The following NPRL3 variants were observed in gnomAD, a reference collection of about 807,000 sequenced individuals.
NPRL3 encodes the protein GATOR1 complex protein NPRL3.
Under a neutral mutation model 57.2 loss-of-function variants are expected in NPRL3, and 23 were observed. That is an observed-to-expected ratio of 0.40 (90% CI 0.29 to 0.57). NPRL3 has a LOEUF of 0.57. NPRL3 is among the 20% of genes least tolerant of loss of function. The pLI, the probability that NPRL3 is intolerant of heterozygous loss-of-function variation, is 0.42. For missense variants in NPRL3, 691 were observed against 767.1 expected, an observed-to-expected ratio of 0.90 and a Z score of 1.17; for synonymous variants, 333 against 321.1, an observed-to-expected ratio of 1.04 and a Z score of -0.39.
intron 2 of NPRL3, among the ~76,000 whole-genome samples, chr16:131,384 CA>C (rs896558799): frequency 4.8e-5 from 6 of 125,086 alleles, no homozygotes; most frequent in African/African-American, 2.4e-4. Flanking sequence ...GAGGGTGAGG[CA>C]AGAGAATGGT....
At chr16:127,559 G>A (rs992929413) in intron 3 of NPRL3, among the ~76,000 whole-genome samples, 3 of 151,966 alleles carry the variant, frequency 2.0e-5, no homozygotes, top group Admixed American at 6.5e-5. Flanking sequence ...TACTGTGATG[G>A]GAATATTCCA....
chr16:94,032 C>A (rs963883556), intron 9 of NPRL3, among the ~76,000 whole-genome samples: 10 of 151,788 alleles, frequency 6.6e-5, no homozygotes, highest in African/African-American at 2.4e-4. Flanking sequence ...AGCTGGATGT[C>A]CTGGCAGGGG....
At chr16:128,796 G>C (rs1034359527) in intron 3 of NPRL3, among the ~76,000 whole-genome samples, 1 of 152,080 alleles carries the variant, frequency 6.6e-6, no homozygotes, top group Non-Finnish European at 1.5e-5. Flanking sequence ...GACACAGAGA[G>C]TGGATTTGAT....
chr16:102,425 T>C (rs1402930655), intron 7 of NPRL3, among the ~76,000 whole-genome samples: 1 of 152,220 alleles, frequency 6.6e-6, no homozygotes, highest in Non-Finnish European at 1.5e-5. Context: ...GGCCGGCACC[T>C]TCCTTGTGTC....
chr16:117,841 G>A (rs1026436889), intron 4 of NPRL3, among the ~76,000 whole-genome samples: 2 of 152,248 alleles, frequency 1.3e-5, no homozygotes, highest in East Asian at 3.8e-4. Context: ...CCCGGTTCTG[G>A]CATCCAGCCA....
chr16:130,649 G>T, intron 2 of NPRL3, 58 bp from the exon 3 acceptor site: 1 of 1,497,976 alleles, frequency 6.7e-7, no homozygotes, highest in Non-Finnish European at 9.1e-7. Flanking sequence ...CCACACACAG[G>T]AGGGTTATGG....
rs749478330 is a variant in NPRL3 at position 86,685 on chromosome 16, C to T, written c.*20G>A. On this transcript the variant is annotated 3_prime_UTR_variant, in exon 14 of 14. Transcript: ENST00000611875. ...GCGCCCACCTGCGCACCCCAGCAGCCTTCCGCCCTCCGCCTGGGCTCAGGG... is the reference window on the plus strand; with the variant it reads ...GCGCCCACCTGCGCACCCCAGCAGCTTTCCGCCCTCCGCCTGGGCTCAGGG... The T allele has an allele frequency of 7.8e-5, 120 of 1,540,698 alleles. No individual in the cohort carries two copies. The highest frequency in any genetic ancestry group is 8.9e-5 in the Non-Finnish European group (102 of 1,141,762).
chr16:116,321 T>C (rs1004014688), intron 5 of NPRL3, among the ~76,000 whole-genome samples: 1 of 152,224 alleles, frequency 6.6e-6, no homozygotes, highest in African/African-American at 2.4e-5. Flanking sequence ...GCTTGTTTTT[T>C]TACTTAATTC....
Position 138,211 on chromosome 16 carries a change from G to T in NPRL3, c.57C>A (p.Gly19=). The change falls in exon 2 of 14, where the codon GGC becomes GGA. Residue 19 remains glycine (G), a synonymous_variant. Coordinates refer to ENST00000611875, the MANE Select transcript of NPRL3 (RefSeq NM_001077350.3). The part of the protein sequence containing the change: ...SVILVSSGSR[G]NKLLFRYPFQ... The stretch of plus-strand genomic sequence containing the variant: ...AGGGGTACCTGAACAGCAGCTTATT[G>T]CCCCTGCTCCCCGAGCTCACCAGAA... 1.2e-6 allele frequency: 2 copies of T among 1,610,298 alleles called. No individual in the cohort carries two copies. The highest frequency in any genetic ancestry group is 2.2e-5 in the East Asian group (1 of 44,752).
Position 88,237 on chromosome 16 carries a change from C to T in NPRL3, c.1544+461G>A, listed in dbSNP as rs527923324. Among the ~76,000 whole-genome samples, 4 of 152,190 alleles carry T rather than the reference C, an allele frequency of 2.6e-5. No individual in the cohort carries two copies. In the South Asian group the frequency reaches 6.2e-4, roughly 24 times the overall value. ...GTGAGAACTTGGCACTTAAATTAGC[C>T]GGGCGTGGTGGCGGGCGCCTGTAGT... On this transcript the variant is annotated intron_variant, in intron 13 of 13. Coordinates refer to ENST00000611875, the MANE Select transcript of NPRL3 (RefSeq NM_001077350.3).
intron 7 of NPRL3, among the ~76,000 whole-genome samples, chr16:110,318 A>C (rs554974243): frequency 4.0e-5 from 6 of 148,884 alleles, no homozygotes; most frequent in Non-Finnish European, 7.5e-5. Context: ...ACAAAAAAAA[A>C]CGGCCACCAA....
In NPRL3 at chr16:118,102, G is replaced by A. The variant is rs140524563; in HGVS notation, c.319-727C>T. On this transcript the variant is annotated intron_variant, in intron 4 of 13. Coordinates refer to ENST00000611875, the MANE Select transcript of NPRL3 (RefSeq NM_001077350.3). ...AGGCTGTGATGAGAAGGGAGGGTGC[G>A]GTACAGGGGACCAGGCTCATCAACC... Among the ~76,000 whole-genome samples, 246 of 152,316 alleles carry A rather than the reference G, an allele frequency of 1.6e-3. 3 individuals are homozygous for A. Among genetic ancestry groups the A allele is most frequent in the African/African-American group, 5.6e-3 (231 of 41,556 alleles).
intron 3 of NPRL3, among the ~76,000 whole-genome samples, chr16:128,692 C>T (rs142979438): frequency 0.043 from 6,570 of 152,134 alleles, 206 homozygotes; most frequent in Middle Eastern, 0.1. Context: ...GGTGTGAACC[C>T]GGGAGGCGGA....
At chr16:135,357 A>T (rs143993145) in intron 2 of NPRL3, among the ~76,000 whole-genome samples, 111 of 152,228 alleles carry the variant, frequency 7.3e-4, no homozygotes, top group African/African-American at 2.5e-3. Flanking sequence ...ATTTAAAAAC[A>T]AGACATACTT....
chr16:127,899 C>T (rs1222790228), intron 3 of NPRL3, among the ~76,000 whole-genome samples: 1 of 152,148 alleles, frequency 6.6e-6, no homozygotes, highest in African/African-American at 2.4e-5. Context: ...TCATGATCCG[C>T]CCGCCTTGGC....
intron 8 of NPRL3, 86 bp from the exon 9 acceptor site, chr16:98,387 C>T (rs936180943): frequency 9.0e-6 from 13 of 1,439,694 alleles, no homozygotes; most frequent in Middle Eastern, 1.8e-4. Context: ...AGGTATGCAC[C>T]GGGTATGCAC....
In NPRL3 at chr16:93,159, C is replaced by G. The variant is rs1379330073; in HGVS notation, c.1031+60G>C. The G allele has an allele frequency of 2.7e-6, 3 of 1,110,430 alleles. No individual in the cohort carries two copies. The East Asian group carries it at 7.7e-5, about 29-fold the overall frequency. The allele number at this position is 1,110,430 out of a possible 1,614,324, so 68.8% of individuals were successfully genotyped here. On this transcript the variant is annotated intron_variant, in intron 10 of 13. Transcript: ENST00000611875. Reference sequence around the variant, plus strand: ...ACACAGAGAACAGCATCTGGAGGGCCCTGCCAGCCTCACCCCTTCCCACTC... The same window carrying G: ...ACACAGAGAACAGCATCTGGAGGGCGCTGCCAGCCTCACCCCTTCCCACTC...
chr16:100,738 G>A (rs1463822108), intron 7 of NPRL3, among the ~76,000 whole-genome samples: 1 of 146,790 alleles, frequency 6.8e-6, no homozygotes, highest in Non-Finnish European at 1.5e-5. Context: ...GGGAGGCCAA[G>A]GTGGGCGGAT....
At chr16:124,113 G>GC (rs1900408659) in intron 3 of NPRL3, among the ~76,000 whole-genome samples, 2 of 2,092 alleles carry the variant, frequency 9.6e-4, no homozygotes, top group Non-Finnish European at 1.0e-3. Flanking sequence ...CTCCCAACAT[G>GC]TGAGAAACAG....
Sources: allele counts gnomAD v4.1 joint callset (sites outside exome capture counted in the v4.1 genomes callset), GRCh38; gene constraint gnomAD v4.1.1; transcripts MANE v1.5; gene names NCBI Gene and HGNC (gene_info 2026-07-23, HGNC 2026-07-21).